Variants in TLN2 observed in about 807,000 individuals in gnomAD.
TLN2 encodes the protein talin 2.
TLN2 carries 118 observed loss-of-function variants against 294.7 expected under a neutral mutation model. The ratio of observed to expected loss-of-function variants is 0.40; its 90% CI spans 0.34 to 0.47. TLN2 has a LOEUF of 0.47. Among genes scored for constraint, TLN2 ranks in the 20% least tolerant of loss-of-function variants. The pLI, the probability that TLN2 is intolerant of heterozygous loss-of-function variation, is 0.84. For synonymous variants in TLN2, 1,431 were observed against 1,304.5 expected (o/e 1.10, Z -2.09); for missense variants, 3,083 against 3,282.2 (o/e 0.94, Z 1.48).
chr15:62,588,132 C>T (rs539608218), intron 1 of TLN2, among the ~76,000 whole-genome samples: 91 of 152,146 alleles, frequency 6.0e-4, no homozygotes, highest in Non-Finnish European at 1.2e-3. Flanking sequence ...TGCCCGCCTT[C>T]GCCTCCCAAA....
intron 1 of TLN2, among the ~76,000 whole-genome samples, chr15:62,519,973 G>T (rs2040377367): frequency 6.6e-6 from 1 of 152,210 alleles, no homozygotes; most frequent in African/African-American, 2.4e-5. Flanking sequence ...CACAATCATG[G>T]TGGAAGGCGA....
At chr15:62,674,594 C>T (rs950744629) in intron 10 of TLN2, among the ~76,000 whole-genome samples, 2 of 151,448 alleles carry the variant, frequency 1.3e-5, no homozygotes, top group Admixed American at 6.6e-5. Flanking sequence ...CTCCCCCCGC[C>T]CTGTTCAAGT....
chr15:62,608,787 C>T (rs1029000883), intron 2 of TLN2, among the ~76,000 whole-genome samples: 2 of 151,996 alleles, frequency 1.3e-5, no homozygotes, highest in African/African-American at 4.8e-5. Flanking sequence ...CTGTGCAGAA[C>T]TGGTGAATGC....
rs535058655 is a variant in TLN2, at chr15:62,401,630, G to C, written c.-238+10945G>C. ...GTTCTCCATGTGATTCTAATGTGCA[G>C]CCAGGGTAGAGGACCACTCGTCTAC... On this transcript the variant is annotated intron_variant, in intron 1 of 58. Coordinates refer to ENST00000636159, the MANE Select transcript of TLN2 (RefSeq NM_015059.3). Among the ~76,000 whole-genome samples the C allele has an allele frequency of 9.2e-5, 14 of 152,262 alleles. No homozygotes were observed. The South Asian group carries it at 2.7e-3, about 29-fold the overall frequency.
intron 1 of TLN2, among the ~76,000 whole-genome samples, chr15:62,429,581 G>A (rs1368774795): frequency 2.0e-5 from 3 of 152,098 alleles, no homozygotes; most frequent in Admixed American, 2.0e-4. Context: ...GGTGTGTTTT[G>A]GAGAAGCTAG....
At chr15:62,740,002 G>C (rs894610688) in intron 31 of TLN2, among the ~76,000 whole-genome samples, 1 of 151,866 alleles carries the variant, frequency 6.6e-6, no homozygotes, top group African/African-American at 2.4e-5. Context: ...TTTAGAACAA[G>C]GGAGCTTGAC....
At chr15:62,655,382 C>T (rs2053088174) in intron 7 of TLN2, among the ~76,000 whole-genome samples, 1 of 152,158 alleles carries the variant, frequency 6.6e-6, no homozygotes, top group Admixed American at 6.5e-5. Context: ...GAGATTTAAG[C>T]TGGCCCATGG....
intron 1 of TLN2, among the ~76,000 whole-genome samples, chr15:62,479,218 G>T (rs190016156): frequency 3.3e-5 from 5 of 152,146 alleles, no homozygotes; most frequent in African/African-American, 9.7e-5. Flanking sequence ...ATAACCTTGT[G>T]CCTGTGTGCA....
At chr15:62,739,651 G>A in intron 31 of TLN2, 106 bp downstream of exon 31, 1 of 1,362,600 alleles carries the variant, frequency 7.3e-7, no homozygotes, top group Non-Finnish European at 1.0e-6. Context: ...CCTGGAAACA[G>A]GCAGGCCATG....
intron 51 of TLN2, among the ~76,000 whole-genome samples, chr15:62,808,897 A>T (rs1567652473): frequency 6.6e-6 from 1 of 152,220 alleles, no homozygotes; most frequent in African/African-American, 2.4e-5. Flanking sequence ...GGGTAAGTCA[A>T]GGGGGGAGCC....
intron 1 of TLN2, among the ~76,000 whole-genome samples, chr15:62,398,853 T>C (rs2032775061): frequency 6.6e-6 from 1 of 152,190 alleles, no homozygotes; most frequent in East Asian, 1.9e-4. Context: ...AAAGAAAAAC[T>C]CATTTTCTGG....
rs200783598 is a variant in TLN2, at chr15:62,840,464, T to G, written c.7501-18T>G. 1 of 1,613,804 alleles carries G rather than the reference T, an allele frequency of 6.2e-7. No individual in the cohort carries two copies. ...CTACAAAGTGTTAGGTCCATCCAGC[T>G]TGTTGCTTTCTTTCTAGATCATCGC... On this transcript the variant is annotated intron_variant, in intron 58 of 58. Coordinates refer to ENST00000636159, the MANE Select transcript of TLN2 (RefSeq NM_015059.3).
chr15:62,540,459 A>T (rs145161812), intron 1 of TLN2, among the ~76,000 whole-genome samples: 1 of 151,488 alleles, frequency 6.6e-6, no homozygotes, highest in East Asian at 2.0e-4. Flanking sequence ...TGAGGTATGC[A>T]GGTAGAGAGA....
chr15:62,812,613 A>T (rs1221155582), intron 52 of TLN2, among the ~76,000 whole-genome samples: 1 of 152,180 alleles, frequency 6.6e-6, no homozygotes. Flanking sequence ...GGAAAGGAAA[A>T]TGGAGCTGTA....
chr15:62,750,631 C>T, intron 34 of TLN2, 140 bp downstream of exon 34: 2 of 719,512 alleles, frequency 2.8e-6, no homozygotes, highest in Non-Finnish European at 4.8e-6. Context: ...TTGTGGAGCC[C>T]TTTGCTCAGG....
intron 45 of TLN2, among the ~76,000 whole-genome samples, chr15:62,789,576 A>T (rs1038290826): frequency 3.9e-5 from 6 of 152,166 alleles, no homozygotes; most frequent in African/African-American, 1.4e-4. Context: ...GTGTCCCACC[A>T]TGGATCATGT....
At chr15:62,579,923 C>T (rs1370334704) in intron 1 of TLN2, among the ~76,000 whole-genome samples, 7 of 152,188 alleles carry the variant, frequency 4.6e-5, no homozygotes, top group Admixed American at 3.3e-4. Context: ...GTTCTAGCAG[C>T]GTGGAGCCTT....
intron 1 of TLN2, among the ~76,000 whole-genome samples, chr15:62,418,583 G>A (rs1363520095): frequency 6.6e-6 from 1 of 152,202 alleles, no homozygotes; most frequent in Non-Finnish European, 1.5e-5. Context: ...CACCAAACAG[G>A]CTTTGTGTGA....
chr15:62,655,892 A>AAT (rs1567276089), intron 7 of TLN2, 52 bp from the exon 8 acceptor site: 1 of 1,603,036 alleles, frequency 6.2e-7, no homozygotes, highest in African/African-American at 1.3e-5. Flanking sequence ...AATTCCCTTT[A>AAT]ATTAACAGGA....
Sources: gnomAD v4.1 joint callset for allele counts (sites outside exome capture counted in the v4.1 genomes callset) on GRCh38, gnomAD v4.1.1 for gene constraint, MANE v1.5 for transcripts, NCBI Gene and HGNC (gene_info 2026-07-23, HGNC 2026-07-21) for gene names.